The following RAB37 variants were observed in gnomAD, a reference collection of about 807,000 sequenced individuals.
RAB37 encodes the protein RAB37, member RAS oncogene family, also known as ras-related protein Rab-37.
Under a neutral mutation model 33.1 loss-of-function variants are expected in RAB37, and 29 were observed. That is an observed-to-expected ratio of 0.88 (90% CI 0.65 to 1.20). The LOEUF is 1.20. Among genes scored for constraint, RAB37 ranks in the 50% most tolerant of loss-of-function variants. The pLI, the probability that RAB37 is intolerant of heterozygous loss-of-function variation, is 0.00. For synonymous variants in RAB37, 128 were observed against 119.5 expected (o/e 1.07, Z -0.47); for missense variants, 299 against 301.1 (o/e 0.99, Z 0.05).
At chr17:74,703,204 G>A (rs562818598) in intron 1 of RAB37, 55 of 1,369,260 alleles carry the variant, frequency 4.0e-5, no homozygotes, top group Admixed American at 3.6e-5. Context: ...GAGCCCACCC[G>A]CAGCCCTGCA....
At chr17:74,737,835 A>G (rs563317849) in intron 1 of RAB37, among the ~76,000 whole-genome samples, 33 of 152,262 alleles carry the variant, frequency 2.2e-4, no homozygotes, top group Admixed American at 7.8e-4. Context: ...GATGTCCCCC[A>G]GCTGCTCCCC....
chr17:74,696,847 G>C (rs1238834704), intron 1 of RAB37, among the ~76,000 whole-genome samples: 1 of 152,180 alleles, frequency 6.6e-6, no homozygotes, highest in Admixed American at 6.5e-5. Context: ...GCACCAAGCT[G>C]TCCCCCAACC....
At chr17:74,714,396 A>C (rs1432827048) in intron 1 of RAB37, among the ~76,000 whole-genome samples, 4 of 137,874 alleles carry the variant, frequency 2.9e-5, no homozygotes, top group South Asian at 2.4e-4. Context: ...TGTCTCTTTA[A>C]ACACACACAC....
At chr17:74,725,468 A>G (rs1041930783) in intron 1 of RAB37, among the ~76,000 whole-genome samples, 10 of 152,124 alleles carry the variant, frequency 6.6e-5, no homozygotes, top group Non-Finnish European at 2.9e-5. Context: ...GCCTTTGGCC[A>G]TGTGGACACC....
intron 1 of RAB37, among the ~76,000 whole-genome samples, chr17:74,672,238 T>A (rs1170155321): frequency 6.6e-6 from 1 of 152,184 alleles, no homozygotes; most frequent in African/African-American, 2.4e-5. Context: ...CAGTTTTCAG[T>A]AATGCAGGTC....
chr17:74,687,548 G>A (rs2032078421), intron 1 of RAB37, among the ~76,000 whole-genome samples: 1 of 152,188 alleles, frequency 6.6e-6, no homozygotes, highest in South Asian at 2.1e-4. Flanking sequence ...TGATGCAAGA[G>A]TTGCAGACCC....
At chr17:74,675,201 C>T (rs2031799856) in intron 1 of RAB37, among the ~76,000 whole-genome samples, 1 of 151,856 alleles carries the variant, frequency 6.6e-6, no homozygotes, top group Non-Finnish European at 1.5e-5. Flanking sequence ...CTTTGGGAGG[C>T]CAAGGAGGAT....
At position 74,738,551 on chromosome 17, in the gene RAB37, G is replaced by T. The variant is rs528694205; in HGVS notation, c.93+1186G>T. Among the ~76,000 whole-genome samples, 14 of 152,314 alleles carry T rather than the reference G, an allele frequency of 9.2e-5. No individual in the cohort carries two copies. The South Asian group carries it at 2.9e-3, about 32-fold the overall frequency. On this transcript the variant is annotated intron_variant, in intron 1 of 8. Transcript: ENST00000392613. This position sits in a 1 kb window ranked among gnomAD's most constrained non-coding sequence, Gnocchi z 5.0. ...TTGTGTTTGGTGGAATCACCGAGCT[G>T]GGTGGGTAGCTGGCATCGTTTGCTC... is the stretch of plus-strand genomic sequence containing the variant.
chr17:74,737,235 G>T (rs374463229), upstream of RAB37: 13 of 1,539,326 alleles, frequency 8.4e-6, no homozygotes, highest in African/African-American at 1.5e-4. Context: ...GCTCTCCTTC[G>T]CCTGCGGGCC....
intron 1 of RAB37, among the ~76,000 whole-genome samples, chr17:74,714,787 A>G (rs2034142113): frequency 1.3e-5 from 2 of 152,078 alleles, no homozygotes; most frequent in Admixed American, 6.6e-5. Flanking sequence ...TTTCCCATCA[A>G]GACCCCAGCA....
Position 74,745,113 on chromosome 17 carries a change from G to A in RAB37, c.566+29G>A, listed in dbSNP as rs202196765. On this transcript the variant is annotated intron_variant, in intron 8 of 8. Transcript: ENST00000392613. The surrounding 1 kb of genome is among the most constrained non-coding windows in gnomAD (Gnocchi z 4.5). ...AGAGCTGGGCAGGGAAGGGAAGTGTGCGGGGCAGGGCGGCACACTCCAGGA... is the reference window on the plus strand; with the variant it reads ...AGAGCTGGGCAGGGAAGGGAAGTGTACGGGGCAGGGCGGCACACTCCAGGA... 6.2e-7 allele frequency: 1 copy of A among 1,605,554 alleles called. No individual in the cohort carries two copies. Among genetic ancestry groups the A allele is most frequent in the East Asian group, 2.2e-5 (1 of 44,846 alleles).
chr17:74,696,179 T>C (rs1292764014), intron 1 of RAB37: 1 of 1,600,192 alleles, frequency 6.2e-7, no homozygotes, highest in Non-Finnish European at 8.5e-7. Flanking sequence ...TGGTCCGACC[T>C]TGGGGGCTAT....
In RAB37 at chr17:74,671,536, G is replaced by A. The variant is rs2031704940; in HGVS notation, c.-51G>A. ...CGGAGCTCGAACCGAGCTCCTGGAA[G>A]CGCTGACGCAGAGCGCAGGGAGAGC... On this transcript the variant is annotated 5_prime_UTR_variant, in exon 1 of 8. Transcript: ENST00000340415. The surrounding 1 kb of genome is among the most constrained non-coding windows in gnomAD (Gnocchi z 5.0). 1.3e-6 allele frequency: 2 copies of A among 1,584,012 alleles called. No individual in the cohort carries two copies. The highest frequency in any genetic ancestry group is 1.7e-6 in the Non-Finnish European group (2 of 1,154,058).
In RAB37 at chr17:74,700,815, C is replaced by A. The variant is rs1052551969; in HGVS notation, c.73-28441C>A. Among the ~76,000 whole-genome samples, 6 of 152,202 alleles carry A rather than the reference C, an allele frequency of 3.9e-5. 1 individual carries two copies. Among genetic ancestry groups the A allele is most frequent in the Admixed American group, 1.3e-4 (2 of 15,290 alleles). ...GCTGGATTGTACACCACCACCCCCC[C>A]ACCCCAATCCATATGTTGAAGTCCC... On this transcript the variant is annotated intron_variant, in intron 1 of 7. Transcript: ENST00000340415.
intron 1 of RAB37, among the ~76,000 whole-genome samples, chr17:74,689,336 G>C (rs1331936908): frequency 6.6e-6 from 1 of 152,126 alleles, no homozygotes; most frequent in Non-Finnish European, 1.5e-5. Context: ...CCAGCTACTT[G>C]GGAGGCCGAG....
chr17:74,690,134 G>A (rs1598188829), intron 1 of RAB37, among the ~76,000 whole-genome samples: 1 of 151,988 alleles, frequency 6.6e-6, no homozygotes. Context: ...TATTTTTGGT[G>A]GAGATATCCT....
At chr17:74,704,546 G>A (rs374961630) in intron 1 of RAB37, 24 of 1,614,028 alleles carry the variant, frequency 1.5e-5, no homozygotes, top group Non-Finnish European at 1.9e-5. Context: ...ACACCAGTAA[G>A]TGTCAGCATC....
At chr17:74,722,274 C>T (rs955532825) in intron 1 of RAB37, among the ~76,000 whole-genome samples, 2 of 147,020 alleles carry the variant, frequency 1.4e-5, no homozygotes, top group African/African-American at 5.1e-5. Flanking sequence ...CAGAGCGAGA[C>T]TCTGTCTCAA....
At position 74,671,350 on chromosome 17, in the gene RAB37, A is replaced by G. The variant is rs2031699353; in HGVS notation, c.-237A>G. 1 of 542,254 alleles carries G rather than the reference A, an allele frequency of 1.8e-6. No homozygotes were observed. Among genetic ancestry groups the G allele is most frequent in the East Asian group, 2.9e-5 (1 of 34,506 alleles). 33.6% of individuals were successfully genotyped at this position (542,254 alleles called of 1,614,324 possible). On this transcript the variant is annotated 5_prime_UTR_variant, in exon 1 of 8. Transcript: ENST00000340415. The surrounding 1 kb of genome is among the most constrained non-coding windows in gnomAD (Gnocchi z 5.0). ...TCAGAACTCTGGTCCCGGGCGCACA[A>G]CGGCGGAGTCGCTGTTCCTGGTGCT...
Sources: allele counts gnomAD v4.1 joint callset (sites outside exome capture counted in the v4.1 genomes callset), GRCh38; gene constraint gnomAD v4.1.1; non-coding constraint Gnocchi (gnomAD v3.1); transcripts MANE v1.5; gene names NCBI Gene and HGNC (gene_info 2026-07-23, HGNC 2026-07-21).